The following TMEM164 variants were observed in gnomAD, a reference collection of about 807,000 sequenced individuals.
TMEM164 encodes the protein RP13-360B22.2.
In TMEM164, 4 loss-of-function variants were observed where a neutral mutation model predicts 18.8. The ratio of observed to expected loss-of-function variants is 0.21; its 90% CI spans 0.10 to 0.49. The LOEUF (loss-of-function observed/expected upper bound fraction) is 0.49, where lower values mean the gene tolerates loss of function less well. Ranked by LOEUF, TMEM164 falls within the 20% of genes least tolerant of loss-of-function variation. The pLI, the probability that TMEM164 is intolerant of heterozygous loss-of-function variation, is 0.98. For missense variants in TMEM164, 108 were observed against 239.9 expected (o/e 0.45, Z 3.63); for synonymous variants, 86 against 101.7 (o/e 0.85, Z 0.93).
intron 2 of TMEM164, among the ~76,000 whole-genome samples, chrX:110,011,979 C>T (rs769621462): frequency 2.7e-5 from 3 of 112,166 alleles, no homozygotes; most frequent in East Asian, 2.8e-4. Context: ...TGTTGATAAA[C>T]GACCTGCAGA....
chrX:110,034,663 G>C (rs189467528), intron 2 of TMEM164, among the ~76,000 whole-genome samples: 3 of 110,044 alleles, frequency 2.7e-5, no homozygotes, highest in African/African-American at 1.0e-4. Flanking sequence ...TCAGTGTGGC[G>C]ATTCCTCAGG....
chrX:110,120,418 G>A (rs1340154958), intron 4 of TMEM164, among the ~76,000 whole-genome samples: 1 of 111,996 alleles, frequency 8.9e-6, no homozygotes, highest in East Asian at 2.8e-4. Flanking sequence ...TGCACAATTA[G>A]TATCCCCAGA....
intron 4 of TMEM164, among the ~76,000 whole-genome samples, chrX:110,139,008 T>G (rs2066730207): frequency 8.9e-6 from 1 of 112,361 alleles, no homozygotes; most frequent in Non-Finnish European, 1.9e-5. Context: ...AAGGCAGTGA[T>G]GGCGATGAGT....
chrX:110,157,078 A>T (rs2067027041), intron 5 of TMEM164, among the ~76,000 whole-genome samples: 1 of 111,898 alleles, frequency 8.9e-6, no homozygotes, highest in African/African-American at 3.2e-5. Context: ...ATCAGTGGTT[A>T]TAGAACTAGT....
chrX:110,117,902 A>C (rs2066393955), intron 4 of TMEM164, among the ~76,000 whole-genome samples: 1 of 111,832 alleles, frequency 8.9e-6, no homozygotes, highest in Admixed American at 9.5e-5. Context: ...AATTCTACAA[A>C]TACCACTCCA....
intron 2 of TMEM164, among the ~76,000 whole-genome samples, chrX:110,016,858 T>C (rs1043865246): frequency 9.0e-6 from 1 of 111,056 alleles, no homozygotes; most frequent in African/African-American, 3.3e-5. Context: ...GGTCTTGCCA[T>C]GTTGCTTAGG....
intron 4 of TMEM164, among the ~76,000 whole-genome samples, chrX:110,114,920 A>G (rs2066339656): frequency 8.9e-6 from 1 of 111,858 alleles, no homozygotes; most frequent in African/African-American, 3.2e-5. Context: ...TTGATCTATT[A>G]TGTTAGTTCC....
At chrX:110,045,390 G>A (rs1935276564) in intron 2 of TMEM164, among the ~76,000 whole-genome samples, 1 of 112,046 alleles carries the variant, frequency 8.9e-6, no homozygotes, top group East Asian at 2.8e-4. Context: ...AAGATTATGG[G>A]TGTTTGAAGC....
intron 2 of TMEM164, among the ~76,000 whole-genome samples, chrX:110,044,208 GAT>G (rs1030328867): frequency 8.9e-6 from 1 of 112,763 alleles, no homozygotes; most frequent in Non-Finnish European, 1.9e-5. Flanking sequence ...ATAATTGAGA[GAT>G]AAGACTACAT....
chrX:110,142,867 C>A (rs929362679), intron 4 of TMEM164, among the ~76,000 whole-genome samples: 31 of 112,678 alleles, frequency 2.8e-4, no homozygotes, highest in African/African-American at 1.0e-3. Context: ...CAGGTGGAGA[C>A]TTTGCTTTCT....
At chrX:110,054,129 G>A (rs1935707142) in intron 2 of TMEM164, among the ~76,000 whole-genome samples, 1 of 111,896 alleles carries the variant, frequency 8.9e-6, no homozygotes, top group Non-Finnish European at 1.9e-5. Context: ...TTAGTTGTGC[G>A]ACCTTAGGCA....
Position 110,176,485 on chromosome X carries a change from A to G in TMEM164, c.*3034A>G. On this transcript the variant is annotated 3_prime_UTR_variant, in exon 7 of 7. Transcript: ENST00000372068. ...TCTCTCCTCAAACTTCATCGCATTC[A>G]TAGAAGCTGCTTGCAGGGTCGCCGG... 1 of 730,323 alleles carries G rather than the reference A, an allele frequency of 1.4e-6. No homozygotes were observed. Among genetic ancestry groups the G allele is most frequent in the Non-Finnish European group, 1.6e-6 (1 of 616,198 alleles). 60.2% of individuals were successfully genotyped at this position (730,323 alleles called of 1,213,427 possible).
chrX:110,148,868 G>T (rs2066899915), intron 5 of TMEM164, among the ~76,000 whole-genome samples: 1 of 110,261 alleles, frequency 9.1e-6, no homozygotes, highest in Non-Finnish European at 1.9e-5. Flanking sequence ...TGGCTTTTCA[G>T]CCAATACAGA....
intron 5 of TMEM164, among the ~76,000 whole-genome samples, chrX:110,153,967 TA>T (rs1260617527): frequency 1.8e-5 from 2 of 111,802 alleles, no homozygotes; most frequent in Non-Finnish European, 1.9e-5. Flanking sequence ...TTTTTATTTG[TA>T]TTTTTTTTTA....
chrX:110,024,757 T>A (rs752376129), intron 2 of TMEM164, among the ~76,000 whole-genome samples: 1 of 112,063 alleles, frequency 8.9e-6, no homozygotes, highest in East Asian at 2.8e-4. Flanking sequence ...TGGGAGATGA[T>A]GGTTTCTAGA....
chrX:110,072,896 T>C (rs2147867110), intron 3 of TMEM164, among the ~76,000 whole-genome samples: 1 of 110,280 alleles, frequency 9.1e-6, no homozygotes, highest in South Asian at 3.9e-4. Flanking sequence ...AAGGGTATGT[T>C]GCACGATGCT....
Position 110,177,479 on chromosome X carries a change from C to T in TMEM164, c.*4028C>T, listed in dbSNP as rs1243614694. 2.7e-5 allele frequency: 3 copies of T among 112,082 alleles called. No individual in the cohort carries two copies. The highest frequency in any genetic ancestry group is 9.7e-5 in the African/African-American group (3 of 30,831). The allele number at this position is 112,082 out of a possible 1,213,427, so 9.2% of individuals were successfully genotyped here. On this transcript the variant is annotated 3_prime_UTR_variant, in exon 7 of 7. Coordinates refer to ENST00000372068, the MANE Select transcript of TMEM164 (RefSeq NM_032227.4). ...CCTTAGAACCAGTCTTTGTACTCTC[C>T]CTAAACAGCAGCAGGCTTAGGATTT...
At chrX:110,068,281 A>G (rs1187026199) in intron 3 of TMEM164, among the ~76,000 whole-genome samples, 3 of 112,355 alleles carry the variant, frequency 2.7e-5, no homozygotes, top group African/African-American at 9.7e-5. Context: ...TGAAATAGCC[A>G]CTTAGTCTCT....
At chrX:110,165,900 T>C (rs779416166) in intron 5 of TMEM164, among the ~76,000 whole-genome samples, 3 of 112,662 alleles carry the variant, frequency 2.7e-5, no homozygotes, top group African/African-American at 9.7e-5. Context: ...TCCAGTCCAT[T>C]GTCCACATTG....
Sources: gnomAD v4.1 joint callset for allele counts (sites outside exome capture counted in the v4.1 genomes callset) on GRCh38, gnomAD v4.1.1 for gene constraint, MANE v1.5 for transcripts, NCBI Gene and HGNC (gene_info 2026-07-23, HGNC 2026-07-21) for gene names.